SMARCA2: variants seen among roughly 807,000 people sequenced by gnomAD.
SMARCA2 encodes the protein SWI/SNF-related matrix-associated actin-dependent regulator of chromatin subfamily A member 2.
A neutral mutation model predicts 199.8 loss-of-function variants in SMARCA2; 61 were observed. That is an observed-to-expected ratio of 0.31 (90% confidence interval 0.25 to 0.38). The LOEUF (loss-of-function observed/expected upper bound fraction) is 0.38, where lower values mean the gene tolerates loss of function less well. Ranked by LOEUF, SMARCA2 falls within the 10% of genes least tolerant of loss-of-function variation. SMARCA2 has a pLI of 1.00. For synonymous variants in SMARCA2, 935 were observed against 732.0 expected (o/e 1.28, Z -4.48); for missense variants, 1,344 against 2,012.2 (o/e 0.67, Z 6.35).
chr9:2,070,085 C>T (rs1187297076), intron 9 of SMARCA2, among the ~76,000 whole-genome samples: 2 of 152,142 alleles, frequency 1.3e-5, no homozygotes, highest in Non-Finnish European at 2.9e-5. Flanking sequence ...TATATCTTCC[C>T]ACTCCCAAAC....
intron 1 of SMARCA2, among the ~76,000 whole-genome samples, chr9:2,019,572 A>G (rs1818515501): frequency 6.6e-6 from 1 of 151,718 alleles, no homozygotes; most frequent in Non-Finnish European, 1.5e-5. Flanking sequence ...TATTCCTGAC[A>G]TGGTATAACT....
chr9:2,074,760 G>A (rs958416150), intron 12 of SMARCA2, among the ~76,000 whole-genome samples: 1 of 152,156 alleles, frequency 6.6e-6, no homozygotes, highest in Non-Finnish European at 1.5e-5. Context: ...CCAGCTACTC[G>A]GGAGGCTGAG....
intron 22 of SMARCA2, 69 bp from the exon 23 acceptor site, chr9:2,103,934 G>A: frequency 7.2e-7 from 1 of 1,393,712 alleles, no homozygotes; most frequent in Non-Finnish European, 1.0e-6. Context: ...GAAAAGCAAA[G>A]CAATGCTGGA....
At chr9:2,035,822 G>T (rs1819305200) in intron 3 of SMARCA2, among the ~76,000 whole-genome samples, 1 of 152,216 alleles carries the variant, frequency 6.6e-6, no homozygotes, top group Non-Finnish European at 1.5e-5. Flanking sequence ...GCTGAGGAAT[G>T]AGTTATTTAA....
chr9:2,042,537 G>T (rs530971204), intron 4 of SMARCA2: 1 of 152,302 alleles, frequency 6.6e-6, no homozygotes, highest in African/African-American at 2.4e-5. Flanking sequence ...ACTGAACACA[G>T]TAGTAAAATT....
At chr9:2,038,076 A>G (rs377491192) in intron 3 of SMARCA2, among the ~76,000 whole-genome samples, 131 of 152,330 alleles carry the variant, frequency 8.6e-4, no homozygotes, top group African/African-American at 3.1e-3. Flanking sequence ...TTTATGTTAT[A>G]TCACAAGTGG....
chr9:2,104,148 T>C lies in SMARCA2; in HGVS notation c.3271T>C (p.Phe1091Leu). Reference sequence around the variant, plus strand: ...GGAGGATTATTTTGCTTTTCGGAACTTCCTTTACCTACGCCTTGATGGTAA... The same window carrying C: ...GGAGGATTATTTTGCTTTTCGGAACCTCCTTTACCTACGCCTTGATGGTAA... The part of the protein sequence containing the change: ...IMEDYFAFRN[F>L]LYLRLDGTTK... Residue 1091 changes from phenylalanine (F) to leucine (L), a missense_variant, in exon 23 of 34, where the codon TTC becomes CTC. Physicochemically the swap from Phe to Leu is conservative, Grantham distance 22 (BLOSUM62 0). Coordinates refer to ENST00000349721, the MANE Select transcript of SMARCA2 (RefSeq NM_003070.5). This position sits in a 1 kb window ranked among gnomAD's most constrained non-coding sequence, Gnocchi z 4.0. 1.2e-6 allele frequency: 2 copies of C among 1,614,046 alleles called. No individual in the cohort carries two copies. Among genetic ancestry groups the C allele is most frequent in the African/African-American group, 1.3e-5 (1 of 75,030 alleles).
At chr9:2,172,185 A>C (rs1187776474) in intron 29 of SMARCA2, among the ~76,000 whole-genome samples, 1 of 152,154 alleles carries the variant, frequency 6.6e-6, no homozygotes, top group East Asian at 1.9e-4. Context: ...AAGAGCTTTT[A>C]AAAAATCTTT....
chr9:2,188,076 T>C (rs564819214), intron 32 of SMARCA2, among the ~76,000 whole-genome samples: 1 of 152,336 alleles, frequency 6.6e-6, no homozygotes, highest in African/African-American at 2.4e-5. Flanking sequence ...AAAAAATTAT[T>C]AGGTTTCTAA....
At position 2,056,726 on chromosome 9, in the gene SMARCA2, C is replaced by T. The variant is rs1357432914; in HGVS notation, c.1228C>T (p.Leu410Phe). 1 of 1,614,202 alleles carries T rather than the reference C, an allele frequency of 6.2e-7. No individual in the cohort carries two copies. The highest frequency in any genetic ancestry group is 8.5e-7 in the Non-Finnish European group (1 of 1,180,040). Residue 410 changes from leucine (L) to phenylalanine (F), a missense_variant, in exon 7 of 34, where the codon CTC becomes TTC. Physicochemically the swap from Leu to Phe is conservative, Grantham distance 22 (BLOSUM62 0). This residue lies in a region of SMARCA2 where 155 missense variants were observed against 260.0 expected (regional missense o/e 0.60). Coordinates refer to ENST00000349721, the MANE Select transcript of SMARCA2 (RefSeq NM_003070.5). This position sits in a 1 kb window ranked among gnomAD's most constrained non-coding sequence, Gnocchi z 4.0. Reference protein sequence around the residue: ...MRRDTTLETALNSKAYKRSKR... With the variant: ...MRRDTTLETAFNSKAYKRSKR... ...CAGGGACACGACCCTGGAGACGGCT[C>T]TCAACTCCAAAGCATACAAACGGAG...
intron 22 of SMARCA2, 77 bp from the exon 23 acceptor site, chr9:2,103,926 A>T (rs1300427344): frequency 1.5e-6 from 2 of 1,301,366 alleles, no homozygotes; most frequent in Non-Finnish European, 1.1e-6. Context: ...GACTATATGA[A>T]AAGCAAAGCA....
intron 9 of SMARCA2, among the ~76,000 whole-genome samples, chr9:2,062,471 G>A (rs997794009): frequency 1.3e-5 from 2 of 152,198 alleles, no homozygotes; most frequent in East Asian, 1.9e-4. Flanking sequence ...CTGCCGTGGT[G>A]TTAGATAGTT....
intron 5 of SMARCA2, among the ~76,000 whole-genome samples, chr9:2,048,489 T>C (rs1291472193): frequency 2.0e-5 from 3 of 152,132 alleles, no homozygotes; most frequent in African/African-American, 7.2e-5. Context: ...TTAAGGAAAA[T>C]TAGAGTTTAA....
chr9:2,132,004 G>C (rs1270147340), intron 27 of SMARCA2, among the ~76,000 whole-genome samples: 1 of 151,546 alleles, frequency 6.6e-6, no homozygotes, highest in Non-Finnish European at 1.5e-5. Context: ...AAGGTAAAAT[G>C]TGATACATCT....
At chr9:2,103,657 T>TGA (rs1403829409) in intron 22 of SMARCA2, among the ~76,000 whole-genome samples, 2 of 142,484 alleles carry the variant, frequency 1.4e-5, no homozygotes, top group African/African-American at 3.1e-5. Flanking sequence ...TGTGTGTGTG[T>TGA]GTGTGAGAGA....
chr9:2,075,510 G>A (rs1306128152), intron 12 of SMARCA2: 1 of 152,226 alleles, frequency 6.6e-6, no homozygotes, highest in Non-Finnish European at 1.5e-5. Context: ...GTTATTGAGA[G>A]TTTTTAATCT....
chr9:2,175,802 CT>C (rs1361820991), intron 29 of SMARCA2, among the ~76,000 whole-genome samples: 1 of 152,000 alleles, frequency 6.6e-6, no homozygotes, highest in East Asian at 1.9e-4. Context: ...TTTTCAATGC[CT>C]TTTTTAAATC....
In SMARCA2 at chr9:2,159,965, A is replaced by T. The variant is rs1825579268; in HGVS notation, c.3982-1721A>T. 1.9e-6 allele frequency: 3 copies of T among 1,567,748 alleles called. No homozygotes were observed. In the African/African-American group the frequency reaches 4.1e-5, roughly 21 times the overall value. On this transcript the variant is annotated intron_variant, in intron 27 of 33. Transcript: ENST00000349721. Reference sequence around the variant, plus strand: ...GATTCAGTAGAACTACATCCCAGGCATGTGTAGGTGTGTAACACATCAAAA... The same window carrying T: ...GATTCAGTAGAACTACATCCCAGGCTTGTGTAGGTGTGTAACACATCAAAA...
chr9:2,058,242 T>C (rs773770718), intron 7 of SMARCA2, 49 bp from the exon 8 acceptor site: 57 of 1,521,766 alleles, frequency 3.7e-5, no homozygotes, highest in Non-Finnish European at 5.0e-5. Context: ...CAGAGGACAC[T>C]GGTCATTGGA....
Sources: allele counts gnomAD v4.1 joint callset (sites outside exome capture counted in the v4.1 genomes callset), GRCh38; gene constraint gnomAD v4.1.1; regional missense constraint gnomAD v4.1.1; non-coding constraint Gnocchi (gnomAD v3.1); transcripts MANE v1.5; gene names NCBI Gene and HGNC (gene_info 2026-07-23, HGNC 2026-07-21).